The following MAP2K5 variants were observed in gnomAD, a reference collection of about 807,000 sequenced individuals.
The protein encoded by MAP2K5 is mitogen-activated protein kinase kinase 5, also known as dual specificity mitogen-activated protein kinase kinase 5.
MAP2K5 carries 49 observed loss-of-function variants against 83.1 expected under a neutral mutation model. The observed-to-expected ratio is 0.59, with a 90% CI of 0.47 to 0.75. The LOEUF (loss-of-function observed/expected upper bound fraction) is 0.75, where lower values mean the gene tolerates loss of function less well. Among genes scored for constraint, MAP2K5 ranks in the 30% least tolerant of loss-of-function variants. The probability of loss-of-function intolerance (pLI) is 0.00; values close to 1 mark genes in which losing one functional copy is unlikely to be tolerated. For synonymous variants in MAP2K5, 202 were observed against 191.8 expected (o/e 1.05, Z -0.44); for missense variants, 457 against 557.5 (o/e 0.82, Z 1.82).
intron 1 of MAP2K5, among the ~76,000 whole-genome samples, chr15:67,544,036 A>G (rs923563617): frequency 6.6e-6 from 1 of 152,180 alleles, no homozygotes; most frequent in Non-Finnish European, 1.5e-5. Context: ...TCAGCCTCCC[A>G]AGTAGCTGGC....
intron 8 of MAP2K5, among the ~76,000 whole-genome samples, chr15:67,609,383 T>C (rs2085854822): frequency 6.6e-6 from 1 of 151,640 alleles, no homozygotes; most frequent in Non-Finnish European, 1.5e-5. Context: ...TTATAGAATC[T>C]ATAGGTCTAT....
chr15:67,664,887 C>T (rs537634694), intron 13 of MAP2K5, among the ~76,000 whole-genome samples: 6 of 152,246 alleles, frequency 3.9e-5, no homozygotes, highest in African/African-American at 1.4e-4. Context: ...AAAGATATTT[C>T]ATAGTATTTG....
chr15:67,628,747 A>C (rs537929264), intron 8 of MAP2K5: 56 of 765,550 alleles, frequency 7.3e-5, no homozygotes, highest in Admixed American at 1.2e-4. Context: ...CAGCCAGCCA[A>C]AGAGGTCGAA....
chr15:67,696,939 A>G (rs2088278926), intron 15 of MAP2K5, among the ~76,000 whole-genome samples: 1 of 152,226 alleles, frequency 6.6e-6, no homozygotes, highest in African/African-American at 2.4e-5. Flanking sequence ...AGATCGCACC[A>G]TTGCACTCCA....
At position 67,698,284 on chromosome 15, in the gene MAP2K5, T is replaced by C. The variant is rs992906504; in HGVS notation, c.972+4716T>C. Reference sequence around the variant, plus strand: ...CTCACCGCAACCTCTGTCCCCTGGGTTCAAGCGATTCTCCTGCCTCAGCCT... The same window carrying C: ...CTCACCGCAACCTCTGTCCCCTGGGCTCAAGCGATTCTCCTGCCTCAGCCT... On this transcript the variant is annotated intron_variant, in intron 15 of 21. Coordinates refer to ENST00000178640, the MANE Select transcript of MAP2K5 (RefSeq NM_145160.3). The surrounding 1 kb of genome is among the most constrained non-coding windows in gnomAD (Gnocchi z 4.5). Among the ~76,000 whole-genome samples, 1 of 151,874 alleles carries C rather than the reference T, an allele frequency of 6.6e-6. No homozygotes were observed. The highest frequency in any genetic ancestry group is 2.4e-5 in the African/African-American group (1 of 41,336).
At chr15:67,620,362 C>T (rs1204562708) in intron 8 of MAP2K5, among the ~76,000 whole-genome samples, 2 of 152,144 alleles carry the variant, frequency 1.3e-5, no homozygotes, top group African/African-American at 2.4e-5. Context: ...CAGAGCGAGA[C>T]TCTGTCTCAG....
At chr15:67,590,438 C>CTCTCTCTCTCTCTCT (rs1567294574) in intron 6 of MAP2K5, among the ~76,000 whole-genome samples, 1 of 67,296 alleles carries the variant, frequency 1.5e-5, no homozygotes, top group African/African-American at 6.2e-5. Flanking sequence ...TCTCTCTCTC[C>CTCTCTCTCTCTCTCT]CTCCCTCCCT....
chr15:67,646,226 T>A lies in MAP2K5; in HGVS notation c.586-5T>A. 8.3e-7 allele frequency: 1 copy of A among 1,207,430 alleles called. No homozygotes were observed. The highest frequency in any genetic ancestry group is 1.2e-6 in the Non-Finnish European group (1 of 847,200). 74.8% of individuals were successfully genotyped at this position (1,207,430 alleles called of 1,614,324 possible). Reference sequence around the variant, plus strand: ...TAAAAAATATTAATACCTTTCTATATTTAGGTCATACTACTAGATATTACA... The same window carrying A: ...TAAAAAATATTAATACCTTTCTATAATTAGGTCATACTACTAGATATTACA... On this transcript the variant is annotated splice_region_variant and splice_polypyrimidine_tract_variant and intron_variant, in intron 9 of 21. Transcript: ENST00000178640.
intron 3 of MAP2K5, among the ~76,000 whole-genome samples, chr15:67,579,960 A>G (rs893745389): frequency 6.6e-6 from 1 of 152,206 alleles, no homozygotes; most frequent in Non-Finnish European, 1.5e-5. Context: ...TTTTTCCACT[A>G]GGAGCATCAC....
intron 8 of MAP2K5, among the ~76,000 whole-genome samples, chr15:67,606,318 A>G (rs1027956508): frequency 6.6e-6 from 1 of 152,200 alleles, no homozygotes; most frequent in African/African-American, 2.4e-5. Context: ...TCTAGTCTCA[A>G]GATGTTTGAA....
chr15:67,791,311 A>G (rs914068529), intron 21 of MAP2K5, among the ~76,000 whole-genome samples: 1 of 152,184 alleles, frequency 6.6e-6, no homozygotes, highest in African/African-American at 2.4e-5. Context: ...CACCTGTTTC[A>G]TATTTTCTCT....
chr15:67,625,369 A>C (rs1459132083), intron 8 of MAP2K5, among the ~76,000 whole-genome samples: 2 of 152,232 alleles, frequency 1.3e-5, no homozygotes, highest in East Asian at 1.9e-4. Flanking sequence ...AAAATGGAAC[A>C]CTCAAGGACC....
rs1465091918 is a variant in MAP2K5, at chr15:67,561,466, C to T, written c.185-1817C>T. On this transcript the variant is annotated intron_variant, in intron 2 of 21. Coordinates refer to ENST00000178640, the MANE Select transcript of MAP2K5 (RefSeq NM_145160.3). The surrounding 1 kb of genome is among the most constrained non-coding windows in gnomAD (Gnocchi z 4.2). ...GTAACATCTCTCAGGACTGTGCCTT[C>T]TTCATTACTGCAAGTGACCAGTGTA... Among the ~76,000 whole-genome samples, 1 of 152,172 alleles carries T rather than the reference C, an allele frequency of 6.6e-6. No individual in the cohort carries two copies. Among genetic ancestry groups the T allele is most frequent in the Non-Finnish European group, 1.5e-5 (1 of 68,030 alleles).
In MAP2K5 at chr15:67,586,515, A is replaced by G. The variant is rs1201448122; in HGVS notation, c.364-331A>G. Among the ~76,000 whole-genome samples, 3 of 152,184 alleles carry G rather than the reference A, an allele frequency of 2.0e-5. No individual in the cohort carries two copies. The East Asian group carries it at 5.8e-4, about 29-fold the overall frequency. On this transcript the variant is annotated intron_variant, in intron 5 of 21. Transcript: ENST00000178640. ...GGAAGGATATAACTTGAGGTTCACTACTAACCCCTGGGTATATTCTTAATG... is the reference window on the plus strand; with the variant it reads ...GGAAGGATATAACTTGAGGTTCACTGCTAACCCCTGGGTATATTCTTAATG...
intron 21 of MAP2K5, among the ~76,000 whole-genome samples, chr15:67,800,214 T>G (rs1019401073): frequency 5.9e-5 from 9 of 152,262 alleles, no homozygotes; most frequent in Non-Finnish European, 1.3e-4. Flanking sequence ...TCTGAAGTTT[T>G]CTCCGGGGAT....
At chr15:67,710,709 G>T (rs2088671301) in intron 16 of MAP2K5, among the ~76,000 whole-genome samples, 1 of 151,942 alleles carries the variant, frequency 6.6e-6, no homozygotes, top group South Asian at 2.1e-4. Flanking sequence ...TCGCCATGTT[G>T]GCCAGGCTGG....
chr15:67,597,378 A>G (rs977269649), intron 7 of MAP2K5, among the ~76,000 whole-genome samples: 1 of 152,216 alleles, frequency 6.6e-6, no homozygotes, highest in African/African-American at 2.4e-5. Context: ...ATTGATAGGA[A>G]TGTCCCTCCA....
rs1221578635 is a variant in MAP2K5 at position 67,665,978 on chromosome 15, A to T, written c.847+1333A>T. On this transcript the variant is annotated intron_variant, in intron 13 of 21. Transcript: ENST00000178640. The surrounding 1 kb of genome is among the most constrained non-coding windows in gnomAD (Gnocchi z 4.2). Reference sequence around the variant, plus strand: ...ACACCCAGCTACCGGTAAAGTGGTGATAGCCATTTTAATAAGAATTAACCC... The same window carrying T: ...ACACCCAGCTACCGGTAAAGTGGTGTTAGCCATTTTAATAAGAATTAACCC... Among the ~76,000 whole-genome samples the T allele has an allele frequency of 2.0e-5, 3 of 152,214 alleles. No homozygotes were observed. Among genetic ancestry groups the T allele is most frequent in the African/African-American group, 7.2e-5 (3 of 41,460 alleles).
At chr15:67,693,936 G>A (rs1299102434) in intron 15 of MAP2K5, among the ~76,000 whole-genome samples, 1 of 148,432 alleles carries the variant, frequency 6.7e-6, no homozygotes, top group Non-Finnish European at 1.5e-5. Context: ...TTTTTTTCTT[G>A]GAATATGAAC....
Sources: allele counts gnomAD v4.1 joint callset (sites outside exome capture counted in the v4.1 genomes callset), GRCh38; gene constraint gnomAD v4.1.1; non-coding constraint Gnocchi (gnomAD v3.1); transcripts MANE v1.5; gene names NCBI Gene and HGNC (gene_info 2026-07-23, HGNC 2026-07-21).